Variants in ATG5 observed in about 807,000 individuals in gnomAD.
ATG5 encodes the protein autophagy related 5, also known as autophagy protein 5.
ATG5 carries 14 observed loss-of-function variants against 36.5 expected under a neutral mutation model. That is an observed-to-expected ratio of 0.38 (90% confidence interval 0.25 to 0.60). The LOEUF is 0.60. Ranked by LOEUF, ATG5 falls within the 20% of genes least tolerant of loss-of-function variation. The pLI is 0.60. For missense variants in ATG5, 195 were observed against 326.7 expected (o/e 0.60, Z 3.11); for synonymous variants, 95 against 101.5 (o/e 0.94, Z 0.38).
chr6:106,222,071 C>T (rs527944972), intron 6 of ATG5, among the ~76,000 whole-genome samples: 9 of 152,000 alleles, frequency 5.9e-5, no homozygotes, highest in Middle Eastern at 3.4e-3. Context: ...TTTGTATTTT[C>T]AGTAGAGACA....
chr6:106,218,898 T>A (rs1777142081), intron 6 of ATG5, among the ~76,000 whole-genome samples: 1 of 152,050 alleles, frequency 6.6e-6, no homozygotes, highest in Non-Finnish European at 1.5e-5. Context: ...AAACTTAAAT[T>A]AAAATAGGAA....
rs1252730257 is a variant in ATG5, at chr6:106,248,183, A to G, written c.540T>C (p.Asn180=). 6.8e-6 allele frequency: 11 copies of G among 1,611,832 alleles called. No homozygotes were observed. Among genetic ancestry groups the G allele is most frequent in the Non-Finnish European group, 9.3e-6 (11 of 1,178,096 alleles). Reference sequence around the variant, plus strand: ...TTCTAAAGGGGATATAACGAAATCCATTTTCTTCTGCAGGATATTCCATGA... The same window carrying G: ...TTCTAAAGGGGATATAACGAAATCCGTTTTCTTCTGCAGGATATTCCATGA... The part of the protein sequence containing the change: ...RKLMEYPAEE[N]GFRYIPFRIY... Residue 180 remains asparagine, a synonymous_variant, in exon 6 of 8, where the codon AAT becomes AAC. Transcript: ENST00000369076.
At chr6:106,254,424 A>G (rs1778721092) in intron 5 of ATG5, among the ~76,000 whole-genome samples, 1 of 152,210 alleles carries the variant, frequency 6.6e-6, no homozygotes, top group Non-Finnish European at 1.5e-5. Flanking sequence ...TCAGCCCTAG[A>G]AAGTTAATGT....
chr6:106,302,638 T>A (rs1267531400), intron 3 of ATG5, among the ~76,000 whole-genome samples: 2 of 152,008 alleles, frequency 1.3e-5, no homozygotes, highest in African/African-American at 4.8e-5. Flanking sequence ...GATGAGGGAA[T>A]CAAGAGTGGA....
chr6:106,187,965 G>A (rs1775835326), intron 7 of ATG5, among the ~76,000 whole-genome samples: 1 of 152,106 alleles, frequency 6.6e-6, no homozygotes, highest in Admixed American at 6.6e-5. Flanking sequence ...AAATCACTGT[G>A]CCATAGCTTA....
intron 5 of ATG5, among the ~76,000 whole-genome samples, chr6:106,263,558 T>A (rs937863255): frequency 6.6e-6 from 1 of 152,200 alleles, no homozygotes; most frequent in African/African-American, 2.4e-5. Context: ...GCCTCCTGAC[T>A]GGGAGAGACC....
At chr6:106,187,994 G>T (rs1302586285) in intron 7 of ATG5, among the ~76,000 whole-genome samples, 2 of 152,080 alleles carry the variant, frequency 1.3e-5, no homozygotes, top group Non-Finnish European at 1.5e-5. Context: ...TTGAAAAAAG[G>T]TATCACTTTA....
chr6:106,191,151 T>C (rs1406271774), intron 7 of ATG5, among the ~76,000 whole-genome samples: 1 of 152,222 alleles, frequency 6.6e-6, no homozygotes, highest in Non-Finnish European at 1.5e-5. Flanking sequence ...ATATATGAGC[T>C]GAGCTCCTCT....
chr6:106,254,845 C>A (rs1778737528), intron 5 of ATG5, among the ~76,000 whole-genome samples: 1 of 152,164 alleles, frequency 6.6e-6, no homozygotes, highest in Non-Finnish European at 1.5e-5. Context: ...TGGCTCAGAG[C>A]CAGGGAGTCT....
intron 3 of ATG5, among the ~76,000 whole-genome samples, chr6:106,306,410 A>G (rs534551299): frequency 1.3e-5 from 2 of 152,334 alleles, no homozygotes; most frequent in South Asian, 4.1e-4. Context: ...AGAGTTCCTC[A>G]ACTGGGGGCG....
intron 6 of ATG5, among the ~76,000 whole-genome samples, chr6:106,206,378 T>C (rs535867919): frequency 2.0e-4 from 31 of 152,282 alleles, no homozygotes; most frequent in South Asian, 1.7e-3. Context: ...CTGTGAGAAA[T>C]AATTTTCTGT....
At chr6:106,278,848 A>G (rs1317128040) in intron 5 of ATG5, among the ~76,000 whole-genome samples, 1 of 152,214 alleles carries the variant, frequency 6.6e-6, no homozygotes, top group Non-Finnish European at 1.5e-5. Context: ...ACAGACATGG[A>G]AAGAAGTGAC....
chr6:106,206,225 T>C (rs1776625741), intron 6 of ATG5, among the ~76,000 whole-genome samples: 1 of 149,916 alleles, frequency 6.7e-6, no homozygotes, highest in Non-Finnish European at 1.5e-5. Flanking sequence ...CCCAGGGAGC[T>C]TGTAAGGCTT....
intron 5 of ATG5, among the ~76,000 whole-genome samples, chr6:106,250,993 G>A (rs1778552551): frequency 6.6e-6 from 1 of 152,244 alleles, no homozygotes; most frequent in Admixed American, 6.5e-5. Context: ...AGATACGCAA[G>A]TCTCTCAGCA....
chr6:106,202,886 C>A (rs1293742554), intron 6 of ATG5, among the ~76,000 whole-genome samples: 3 of 152,158 alleles, frequency 2.0e-5, no homozygotes, highest in African/African-American at 7.2e-5. Context: ...TGGTCTCAAA[C>A]TCCTGAGCTC....
At chr6:106,221,776 A>G (rs755651773) in intron 6 of ATG5, among the ~76,000 whole-genome samples, 2 of 152,126 alleles carry the variant, frequency 1.3e-5, no homozygotes, top group Non-Finnish European at 2.9e-5. Context: ...TTATATTCCC[A>G]AAGACATCTT....
intron 4 of ATG5, among the ~76,000 whole-genome samples, chr6:106,282,401 G>A (rs1243315946): frequency 6.6e-6 from 1 of 152,112 alleles, no homozygotes; most frequent in Non-Finnish European, 1.5e-5. Context: ...CTAGGTTCCT[G>A]TTTTTTTATC....
chr6:106,303,735 T>C (rs1455888972), intron 3 of ATG5, among the ~76,000 whole-genome samples: 1 of 152,152 alleles, frequency 6.6e-6, no homozygotes, highest in Non-Finnish European at 1.5e-5. Flanking sequence ...ATTAAATGTA[T>C]ACAAGGTTGG....
intron 5 of ATG5, among the ~76,000 whole-genome samples, chr6:106,267,206 A>G (rs1240680002): frequency 6.6e-6 from 1 of 152,226 alleles, no homozygotes; most frequent in African/African-American, 2.4e-5. Context: ...ACAGCAAAGA[A>G]GCAGAGAGTC....
Sources: gnomAD v4.1 joint callset for allele counts (sites outside exome capture counted in the v4.1 genomes callset) on GRCh38, gnomAD v4.1.1 for gene constraint, MANE v1.5 for transcripts, NCBI Gene and HGNC (gene_info 2026-07-23, HGNC 2026-07-21) for gene names.